The following FAM227A variants were observed in gnomAD, a reference collection of about 807,000 sequenced individuals.
The protein encoded by FAM227A is protein FAM227A.
In FAM227A, 80 loss-of-function variants were observed where a neutral mutation model predicts 74.7. The ratio of observed to expected loss-of-function variants is 1.07; its 90% CI spans 0.89 to 1.29. The LOEUF (loss-of-function observed/expected upper bound fraction) is 1.29. Ranked by LOEUF, FAM227A falls within the 50% of genes most tolerant of loss-of-function variation. The pLI is 0.00. For synonymous variants in FAM227A, 237 were observed against 241.8 expected (o/e 0.98, Z 0.19); for missense variants, 654 against 683.4 (o/e 0.96, Z 0.48).
At chr22:38,610,672 G>A (rs964252593) in intron 11 of FAM227A, among the ~76,000 whole-genome samples, 1 of 152,174 alleles carries the variant, frequency 6.6e-6, no homozygotes, top group Non-Finnish European at 1.5e-5. Context: ...TCACGCTATT[G>A]CAACAAGAGC....
intron 6 of FAM227A, among the ~76,000 whole-genome samples, chr22:38,630,097 C>T (rs1171722555): frequency 6.9e-6 from 1 of 145,488 alleles, no homozygotes; most frequent in Admixed American, 6.9e-5. Flanking sequence ...CGTGCCTCTT[C>T]TTTAACCATC....
At chr22:38,624,680 C>T (rs571838163) in intron 9 of FAM227A, among the ~76,000 whole-genome samples, 1 of 152,294 alleles carries the variant, frequency 6.6e-6, no homozygotes, top group East Asian at 1.9e-4. Flanking sequence ...ACTTTGAGGA[C>T]TCCAGCTCTA....
chr22:38,633,594 T>C (rs2091951271), intron 6 of FAM227A, among the ~76,000 whole-genome samples: 1 of 152,164 alleles, frequency 6.6e-6, no homozygotes, highest in Non-Finnish European at 1.5e-5. Context: ...CAGACTGGAG[T>C]GCAGTAGTGC....
At chr22:38,621,418 T>C (rs938036383) in intron 10 of FAM227A, among the ~76,000 whole-genome samples, 2 of 147,332 alleles carry the variant, frequency 1.4e-5, no homozygotes, top group African/African-American at 5.0e-5. Flanking sequence ...GTGTGCATGA[T>C]GACTACAGGG....
intron 13 of FAM227A, among the ~76,000 whole-genome samples, chr22:38,604,345 A>C (rs1430589303): frequency 1.3e-5 from 2 of 152,150 alleles, no homozygotes; most frequent in Admixed American, 1.3e-4. Flanking sequence ...AAACAAAAAA[A>C]CAAGAAATCT....
At position 38,649,951 on chromosome 22, in the gene FAM227A, A is replaced by T. The variant is rs936547560; in HGVS notation, c.142+76T>A. ...AGTAATGTGCATTATAGACCTGAGC[A>T]CTGATTAGATCTCTGTGGCATGACT... is the stretch of plus-strand genomic sequence containing the variant. On this transcript the variant is annotated intron_variant, in intron 2 of 16. Coordinates refer to ENST00000535113, the MANE Select transcript of FAM227A (RefSeq NM_001013647.2). 11 of 1,326,380 alleles carry T rather than the reference A, an allele frequency of 8.3e-6. No homozygotes were observed. The African/African-American group carries it at 1.6e-4, about 19-fold the overall frequency. 82.2% of individuals were successfully genotyped at this position (1,326,380 alleles called of 1,614,324 possible).
chr22:38,636,319 T>C, intron 6 of FAM227A, 132 bp downstream of exon 6: 3 of 976,786 alleles, frequency 3.1e-6, no homozygotes, highest in Non-Finnish European at 4.4e-6. Context: ...CTAGGGTTCC[T>C]AGCTCAGCTC....
intron 15 of FAM227A, among the ~76,000 whole-genome samples, chr22:38,593,732 C>T (rs1243810645): frequency 6.6e-6 from 1 of 152,088 alleles, no homozygotes; most frequent in Non-Finnish European, 1.5e-5. Flanking sequence ...ACTCTGTCAC[C>T]CAGACTGGAG....
chr22:38,627,859 C>T (rs1001798421), intron 8 of FAM227A, among the ~76,000 whole-genome samples: 10 of 152,142 alleles, frequency 6.6e-5, no homozygotes, highest in African/African-American at 2.4e-4. Context: ...CCGCCTTGGC[C>T]TCCCAAAGTG....
rs1196168915 is a variant in FAM227A, at chr22:38,580,817, C to T, written c.*5308G>A. The T allele has an allele frequency of 6.6e-6, 1 of 152,172 alleles. No homozygotes were observed. Among genetic ancestry groups the T allele is most frequent in the African/African-American group, 2.4e-5 (1 of 41,442 alleles). The allele number at this position is 152,172 out of a possible 1,614,324, so 9.4% of individuals were successfully genotyped here. A position where few individuals can be genotyped will look rare whatever the true frequency, so the allele number is the denominator to read the frequency against. ...TATCTTTGAGACAGTCTCACTCCAT[C>T]ACCTAGGCTGGAGTGCAGTGGTGCG... On this transcript the variant is annotated 3_prime_UTR_variant, in exon 17 of 17. Coordinates refer to ENST00000535113, the MANE Select transcript of FAM227A (RefSeq NM_001013647.2).
At chr22:38,651,984 C>T (rs183842771) in intron 1 of FAM227A, among the ~76,000 whole-genome samples, 3 of 151,590 alleles carry the variant, frequency 2.0e-5, no homozygotes, top group Non-Finnish European at 4.4e-5. Context: ...GTCAAGAGTT[C>T]GAGACCAGCC....
chr22:38,642,599 A>G (rs2092140614), intron 3 of FAM227A, among the ~76,000 whole-genome samples: 1 of 152,230 alleles, frequency 6.6e-6, no homozygotes, highest in Non-Finnish European at 1.5e-5. Flanking sequence ...ACATATTAGG[A>G]GAAAATATTT....
At position 38,636,535 on chromosome 22, in the gene FAM227A, C is replaced by T. The variant is rs1394971958; in HGVS notation, c.435G>A (p.Lys145=). 8 of 1,551,564 alleles carry T rather than the reference C, an allele frequency of 5.2e-6. No individual in the cohort carries two copies. The highest frequency in any genetic ancestry group is 6.1e-6 in the Non-Finnish European group (7 of 1,146,996). The change falls in exon 6 of 17, where the codon AAG becomes AAA. Residue 145 remains lysine, a synonymous_variant. Coordinates refer to ENST00000535113, the MANE Select transcript of FAM227A (RefSeq NM_001013647.2). ...LYQYSNFNSS[K]PNKLPNGVDF... ...CCACGCCATTCGGAAGCTTGTTTGG[C>T]TTGGAGCTGTTGAAGTTGGAATACT...
chr22:38,625,878 G>C (rs1028768512), intron 9 of FAM227A, among the ~76,000 whole-genome samples: 8 of 150,820 alleles, frequency 5.3e-5, no homozygotes, highest in Non-Finnish European at 8.8e-5. Flanking sequence ...GGGAGGCGGA[G>C]GTTGCAGTGA....
chr22:38,636,257 C>A (rs1158308819), intron 6 of FAM227A, among the ~76,000 whole-genome samples, 194 bp downstream of exon 6: 6 of 152,160 alleles, frequency 3.9e-5, no homozygotes, highest in African/African-American at 1.4e-4. Flanking sequence ...TCAAAACAGT[C>A]TGAAGACCGT....
chr22:38,639,665 T>C lies in FAM227A; in HGVS notation c.285A>G (p.Pro95=). 6.4e-7 allele frequency: 1 copy of C among 1,551,992 alleles called. No homozygotes were observed. The highest frequency in any genetic ancestry group is 8.7e-7 in the Non-Finnish European group (1 of 1,147,052). Residue 95 remains proline (P), a synonymous_variant, in exon 4 of 17, where the codon CCA becomes CCG. Coordinates refer to ENST00000535113, the MANE Select transcript of FAM227A (RefSeq NM_001013647.2). ...GGGAAAGGTTTTTGCCTTTGTCTTC[T>C]GGACTGCTGCGAGTTTTCTCTCTTA... ...KALREKTRSS[P]EDKVKRQRKS... is the part of the protein sequence containing the mutation.
rs1555966997 is a variant in FAM227A, at chr22:38,626,891, A to AATATAT, written c.727-594_727-589dup. 2.4e-3 allele frequency among the ~76,000 whole-genome samples: 136 copies of AATATAT among 57,682 alleles called. 2 individuals carry two copies. The highest frequency in any genetic ancestry group is 8.4e-3 in the African/African-American group (96 of 11,432). The allele number at this position is 57,682 out of a possible 152,430, so 37.8% of individuals were successfully genotyped here. A position where few individuals can be genotyped will look rare whatever the true frequency, so the allele number is the denominator to read the frequency against. ...AAAAAAAAAAAAAAAAAAAAAAAAA[A>AATATAT]ATATATATATATATATATATATACA... On this transcript the variant is annotated intron_variant, in intron 8 of 16. Transcript: ENST00000535113.
At chr22:38,613,055 A>T (rs2091450354) in intron 11 of FAM227A, among the ~76,000 whole-genome samples, 1 of 112,822 alleles carries the variant, frequency 8.9e-6, no homozygotes, top group East Asian at 2.2e-4. Context: ...TATATATATT[A>T]TATATATGTA....
Position 38,636,327 on chromosome 22 carries a change from C to T in FAM227A, c.519+124G>A. On this transcript the variant is annotated intron_variant, in intron 6 of 16. Transcript: ENST00000535113. The stretch of plus-strand genomic sequence containing the variant: ...GGTTGGGCTAGGGTTCCTAGCTCAG[C>T]TCAGACACCTGCAAGCCTGTGGCCC... 5 of 1,081,142 alleles carry T rather than the reference C, an allele frequency of 4.6e-6. No individual in the cohort carries two copies. In the South Asian group the frequency reaches 8.6e-5, roughly 19 times the overall value. The allele number at this position is 1,081,142 out of a possible 1,614,324, so 67.0% of individuals were successfully genotyped here.
Sources: gnomAD v4.1 joint callset for allele counts (sites outside exome capture counted in the v4.1 genomes callset) on GRCh38, gnomAD v4.1.1 for gene constraint, MANE v1.5 for transcripts, NCBI Gene and HGNC (gene_info 2026-07-23, HGNC 2026-07-21) for gene names.